The following REPS2 variants were observed in gnomAD, a reference collection of about 807,000 sequenced individuals.
REPS2 encodes the protein RALBP1 associated Eps domain containing 2, also known as ralBP1-associated Eps domain-containing protein 2.
Under a neutral mutation model 53.6 loss-of-function variants are expected in REPS2, and 23 were observed. The ratio of observed to expected loss-of-function variants is 0.43; its 90% CI spans 0.31 to 0.61. REPS2 has a LOEUF of 0.61. REPS2 is among the 20% of genes least tolerant of loss of function. The pLI is 0.11. For missense variants in REPS2, 446 were observed against 534.9 expected, an observed-to-expected ratio of 0.83 and a Z score of 1.64; for synonymous variants, 238 against 218.6, an observed-to-expected ratio of 1.09 and a Z score of -0.78.
intron 14 of REPS2, among the ~76,000 whole-genome samples, chrX:17,127,732 C>T (rs756500289): frequency 1.8e-5 from 2 of 111,679 alleles, no homozygotes; most frequent in Non-Finnish European, 3.8e-5. Context: ...CTTTTTGTCC[C>T]CCCAGAAACT....
chrX:17,068,428 C>G lies in REPS2; in HGVS notation c.1236C>G (p.Asp412Glu). The G allele has an allele frequency of 8.3e-7, 1 of 1,206,313 alleles. No homozygotes were observed. The highest frequency in any genetic ancestry group is 1.7e-5 in the African/African-American group (1 of 57,749). Residue 412 changes from aspartate to glutamate, a missense_variant, in exon 10 of 18, where the codon GAC becomes GAG. By Grantham distance (45) the Asp-to-Glu change is conservative (BLOSUM62 2). Coordinates refer to ENST00000357277, the MANE Select transcript of REPS2 (RefSeq NM_004726.3). ...MEKTSVKDMA[D>E]LPVPNQDVTS... Reference sequence around the variant, plus strand: ...AGACATCTGTTAAAGACATGGCTGACCTTCCTGTCCCTAACCAGGATGTAA... The same window carrying G: ...AGACATCTGTTAAAGACATGGCTGAGCTTCCTGTCCCTAACCAGGATGTAA...
intron 1 of REPS2, among the ~76,000 whole-genome samples, chrX:16,985,204 T>G (rs112012899): frequency 1.8e-5 from 2 of 112,084 alleles, no homozygotes; most frequent in East Asian, 5.6e-4. Flanking sequence ...TATACTTTTG[T>G]TTATTACACT....
At chrX:16,959,439 G>A (rs2060634772) in intron 1 of REPS2, among the ~76,000 whole-genome samples, 1 of 111,840 alleles carries the variant, frequency 8.9e-6, no homozygotes, top group African/African-American at 3.3e-5. Context: ...TCCGTGAGTT[G>A]GAGTGTTTGT....
At chrX:16,970,897 A>G (rs1383265532) in intron 1 of REPS2, among the ~76,000 whole-genome samples, 1 of 112,645 alleles carries the variant, frequency 8.9e-6, no homozygotes, top group Non-Finnish European at 1.9e-5. Flanking sequence ...ATGAGTTGAC[A>G]GACATTTGGG....
At chrX:16,974,033 T>TA (rs770157735) in intron 1 of REPS2, among the ~76,000 whole-genome samples, 1 of 111,689 alleles carries the variant, frequency 9.0e-6, no homozygotes, top group African/African-American at 3.2e-5. Context: ...CTAGTCAAGA[T>TA]ACGATTTTCC....
At chrX:17,174,813 T>C in the REPS2 span, among the ~76,000 whole-genome samples, 1 of 112,830 alleles carries the variant, frequency 8.9e-6, no homozygotes, top group East Asian at 2.8e-4. Context: ...CCGCTGCTGC[T>C]GCTGCTGCTA....
At chrX:17,108,969 TAA>T (rs747801585) in intron 14 of REPS2, among the ~76,000 whole-genome samples, 1 of 92,955 alleles carries the variant, frequency 1.1e-5, no homozygotes, top group Non-Finnish European at 2.2e-5. Context: ...ACTGCAGATT[TAA>T]AAAAAAAAAA....
At chrX:17,066,292 T>G (rs1400387649) in intron 9 of REPS2, among the ~76,000 whole-genome samples, 1 of 112,497 alleles carries the variant, frequency 8.9e-6, no homozygotes, top group Non-Finnish European at 1.9e-5. Flanking sequence ...AGGACAAGCT[T>G]GCCAAATTCT....
intron 1 of REPS2, among the ~76,000 whole-genome samples, chrX:16,976,483 A>T (rs2060956615): frequency 9.0e-6 from 1 of 111,046 alleles, no homozygotes; most frequent in Non-Finnish European, 1.9e-5. Context: ...CAGATCATCC[A>T]TGTTTTTGTA....
At chrX:16,952,142 G>GGT (rs1442479500) in intron 1 of REPS2, among the ~76,000 whole-genome samples, 1 of 111,099 alleles carries the variant, frequency 9.0e-6, no homozygotes, top group African/African-American at 3.3e-5. Context: ...TTGTTACATA[G>GGT]GTATATATAT....
In REPS2 at chrX:16,993,873, C is replaced by T. The variant is rs1408077592; in HGVS notation, c.274-12348C>T. 3.5e-5 allele frequency among the ~76,000 whole-genome samples: 4 copies of T among 112,851 alleles called. No individual in the cohort carries two copies. The East Asian group carries it at 1.1e-3, about 31-fold the overall frequency. On this transcript the variant is annotated intron_variant, in intron 1 of 17. Coordinates refer to ENST00000357277, the MANE Select transcript of REPS2 (RefSeq NM_004726.3). ...CAGTCCTGTTAATAACAGAACTTGC[C>T]TATGGCAAATCTAAGCGGAAAAGCA...
chrX:17,075,441 G>A (rs1321140029), intron 12 of REPS2, among the ~76,000 whole-genome samples: 3 of 112,233 alleles, frequency 2.7e-5, no homozygotes, highest in East Asian at 2.8e-4. Context: ...CAGAGATTGC[G>A]CTTTTGGTCT....
the REPS2 span, among the ~76,000 whole-genome samples, chrX:17,178,800 G>A: frequency 4.5e-5 from 5 of 110,028 alleles, no homozygotes; most frequent in Non-Finnish European, 9.5e-5. Context: ...TGGTGGCGTC[G>A]GAGGCAGGAG....
intron 1 of REPS2, among the ~76,000 whole-genome samples, chrX:16,967,867 C>T (rs187399502): frequency 5.6e-4 from 56 of 100,825 alleles, no homozygotes; most frequent in African/African-American, 2.0e-3. Context: ...TTTAATTGAT[C>T]ATTCTTAGGT....
chrX:17,028,075 C>T (rs763176949), intron 4 of REPS2, among the ~76,000 whole-genome samples: 6 of 111,393 alleles, frequency 5.4e-5, no homozygotes, highest in Non-Finnish European at 1.1e-4. Context: ...CATCCAAGCC[C>T]TACTGATGAG....
rs926738144 is a variant in REPS2, at chrX:16,962,261, A to G, written c.273+15127A>G. ...AGTGACTGTTGATGGATGAGTGGCT[A>G]AAAATATCGTGGGATACACACACAC... On this transcript the variant is annotated intron_variant, in intron 1 of 17. Transcript: ENST00000357277. Among the ~76,000 whole-genome samples the G allele has an allele frequency of 3.1e-5, 3 of 95,516 alleles. No individual in the cohort carries two copies. The East Asian group carries it at 9.9e-4, about 32-fold the overall frequency. The allele number at this position is 95,516 out of a possible 115,157, so 82.9% of individuals were successfully genotyped here. A position where few individuals can be genotyped will look rare whatever the true frequency, so the allele number is the denominator to read the frequency against.
chrX:17,091,334 T>G (rs2062613837), intron 13 of REPS2, among the ~76,000 whole-genome samples: 1 of 111,827 alleles, frequency 8.9e-6, no homozygotes, highest in Non-Finnish European at 1.9e-5. Context: ...ATTCCCTGAA[T>G]GTAGAATACC....
At chrX:17,101,981 T>C (rs2062809746) in intron 13 of REPS2, among the ~76,000 whole-genome samples, 1 of 112,229 alleles carries the variant, frequency 8.9e-6, no homozygotes, top group Admixed American at 9.4e-5. Context: ...GTTAATACAA[T>C]TGCTTGGCCT....
At chrX:16,992,757 G>A (rs1207286664) in intron 1 of REPS2, among the ~76,000 whole-genome samples, 1 of 111,983 alleles carries the variant, frequency 8.9e-6, no homozygotes, top group African/African-American at 3.3e-5. Context: ...GCCAATTTGA[G>A]TGTCTCTTGG....
Sources: gnomAD v4.1 joint callset for allele counts (sites outside exome capture counted in the v4.1 genomes callset) on GRCh38, gnomAD v4.1.1 for gene constraint, MANE v1.5 for transcripts, NCBI Gene and HGNC (gene_info 2026-07-23, HGNC 2026-07-21) for gene names.